The following APC2 variants were observed in gnomAD, a reference collection of about 807,000 sequenced individuals.
APC2 encodes the protein APC regulator of Wnt signaling pathway 2.
In APC2, 41 loss-of-function variants were observed where a neutral mutation model predicts 72.5. That is an observed-to-expected ratio of 0.57 (90% CI 0.44 to 0.73). The LOEUF is 0.73. Ranked by LOEUF, APC2 falls within the 30% of genes least tolerant of loss-of-function variation. The pLI is 0.00. For synonymous variants in APC2, 1,898 were observed against 1,612.0 expected, an observed-to-expected ratio of 1.18 and a Z score of -4.25; for missense variants, 3,729 against 3,403.4, an observed-to-expected ratio of 1.10 and a Z score of -2.38.
chr19:1,466,094 T>C lies in APC2; in HGVS notation c.2793T>C (p.Ser931=). 1 of 1,538,314 alleles carries C rather than the reference T, an allele frequency of 6.5e-7. No individual in the cohort carries two copies. The highest frequency in any genetic ancestry group is 1.2e-5 in the South Asian group (1 of 83,134). Residue 931 remains serine, a synonymous_variant, in exon 15 of 15, where the codon AGT becomes AGC. Transcript: ENST00000590469. ...CCAACGACAGCCTCAACAGCGGCAGTGCCAGCGACGGGTACTGCCCACGCG... is the reference window on the plus strand; with the variant it reads ...CCAACGACAGCCTCAACAGCGGCAGCGCCAGCGACGGGTACTGCCCACGCG... ...SLSNDSLNSG[S]ASDGYCPREH...
upstream of APC2, chr19:1,450,016 C>T: frequency 1.5e-6 from 1 of 670,870 alleles, no homozygotes; most frequent in African/African-American, 2.0e-5. Flanking sequence ...CGACGCCGGT[C>T]CCCGCCCCGG....
chr19:1,465,811 C>G lies in APC2; in HGVS notation c.2510C>G (p.Ala837Gly). 1 of 1,581,596 alleles carries G rather than the reference C, an allele frequency of 6.3e-7. No homozygotes were observed. Among genetic ancestry groups the G allele is most frequent in the South Asian group, 1.1e-5 (1 of 87,364 alleles). ...GCAGAGAAGGACACCAGTGGGGAGG[C>G]AGCCGTGGCGGCCAAGGCCAAGGCC... ...KEAEKDTSGE[A>G]AVAAKAKAKL... Residue 837 changes from alanine to glycine, a missense_variant, in exon 15 of 15, where the codon GCA becomes GGA. Transcript: ENST00000590469.
chr19:1,465,444 G>C lies in APC2; in HGVS notation c.2143G>C (p.Val715Leu). 6.5e-7 allele frequency: 1 copy of C among 1,539,108 alleles called. No homozygotes were observed. The highest frequency in any genetic ancestry group is 1.2e-5 in the South Asian group (1 of 84,826). ...CACCGCCGTGTCCCCAGGCAGCTGC[G>C]TGCCCAGCCTGTACGTGCGCAAGCA... is the stretch of plus-strand genomic sequence containing the variant. The part of the protein sequence containing the change: ...AATAVSPGSC[V>L]PSLYVRKQRA... Residue 715 changes from valine to leucine, a missense_variant, in exon 15 of 15, where the codon GTG becomes CTG. Coordinates refer to ENST00000590469, the MANE Select transcript of APC2 (RefSeq NM_005883.3).
In APC2 at chr19:1,469,739, G is replaced by A; in HGVS notation, c.6438G>A (p.Trp2146Ter). 6.7e-7 allele frequency: 1 copy of A among 1,482,118 alleles called. No homozygotes were observed. Among genetic ancestry groups the A allele is most frequent in the Non-Finnish European group, 8.9e-7 (1 of 1,124,142 alleles). The allele number at this position is 1,482,118 out of a possible 1,614,324, so 91.8% of individuals were successfully genotyped here. A position where few individuals can be genotyped will look rare whatever the true frequency, so the allele number is the denominator to read the frequency against. The change falls in exon 15 of 15, where the codon TGG becomes TGA. Residue 2146 changes from tryptophan to a stop codon, truncating the protein, a stop_gained. Coordinates refer to ENST00000590469, the MANE Select transcript of APC2 (RefSeq NM_005883.3). LOFTEE classifies it low-confidence loss of function (END_TRUNC). ...GGGTGGCCGCGCCGGGCACGACCTGGCGGCGCATCCGAGATGAGGACGTGC... is the reference window on the plus strand; with the variant it reads ...GGGTGGCCGCGCCGGGCACGACCTGACGGCGCATCCGAGATGAGGACGTGC... ...LPRVAAPGTTWRRIRDEDVPH... is the reference protein window; with the variant it reads ...LPRVAAPGTT
At chr19:1,454,272 G>A (rs1162620281) in intron 4 of APC2, among the ~76,000 whole-genome samples, 1 of 152,194 alleles carries the variant, frequency 6.6e-6, no homozygotes, top group African/African-American at 2.4e-5. Flanking sequence ...TAAGCTGGAG[G>A]GAGGTTAGCA....
At chr19:1,460,353 C>T (rs775481387) in intron 11 of APC2, 33 bp downstream of exon 11, 16 of 1,612,440 alleles carry the variant, frequency 9.9e-6, no homozygotes, top group Non-Finnish European at 1.3e-5. Flanking sequence ...CTGGCACTTT[C>T]CTCATCCAGT....
At chr19:1,455,995 T>A in intron 6 of APC2, 81 bp from the exon 7 acceptor site, 4 of 1,180,062 alleles carry the variant, frequency 3.4e-6, no homozygotes, top group Non-Finnish European at 3.3e-6. Flanking sequence ...GAGCCCAGGG[T>A]GGGGTCATCC....
chr19:1,462,205 C>G, intron 14 of APC2, 28 bp downstream of exon 14: 4 of 1,516,158 alleles, frequency 2.6e-6, no homozygotes, highest in South Asian at 1.3e-5. Flanking sequence ...CACCCGCACA[C>G]AGGCAGCTGC....
At chr19:1,457,898 G>C (rs112680150) in intron 9 of APC2, 67 bp from the exon 10 acceptor site, 1 of 1,432,320 alleles carries the variant, frequency 7.0e-7, no homozygotes, top group South Asian at 1.2e-5. Flanking sequence ...CGGGTTGCGG[G>C]ACCTTCGGGA....
At position 1,462,017 on chromosome 19, in the gene APC2, A is replaced by G; in HGVS notation, c.1693A>G (p.Thr565Ala). 1.2e-6 allele frequency: 2 copies of G among 1,612,872 alleles called. No homozygotes were observed. The highest frequency in any genetic ancestry group is 2.2e-5 in the South Asian group (2 of 91,074). ...SALWNLSAHS[T>A]ENKAAICQVD... Reference sequence around the variant, plus strand: ...CCTGTGGAATCTGTCTGCACACAGCACAGAGAACAAGGCGGCCATCTGCCA... The same window carrying G: ...CCTGTGGAATCTGTCTGCACACAGCGCAGAGAACAAGGCGGCCATCTGCCA... The change falls in exon 14 of 15, where the codon ACA becomes GCA. Residue 565 changes from threonine (T) to alanine (A), a missense_variant. Coordinates refer to ENST00000590469, the MANE Select transcript of APC2 (RefSeq NM_005883.3).
Position 1,462,055 on chromosome 19 carries a change from C to T in APC2, c.1731C>T (p.Ala577=), listed in dbSNP as rs772184283. The T allele has an allele frequency of 1.9e-6, 3 of 1,613,002 alleles. No individual in the cohort carries two copies. The African/African-American group carries it at 4.0e-5, about 22-fold the overall frequency. The change falls in exon 14 of 15, where the codon GCC becomes GCT. Residue 577 remains alanine, a synonymous_variant. Coordinates refer to ENST00000590469, the MANE Select transcript of APC2 (RefSeq NM_005883.3). ...NKAAICQVDG[A]LGFLVSTLTY... ...CGGCCATCTGCCAGGTGGATGGCGC[C>T]CTGGGCTTCCTGGTGAGCACCCTGA...
Position 1,455,444 on chromosome 19 carries a change from C to A in APC2, c.583C>A (p.Arg195Ser), listed in dbSNP as rs1158412843. ...GCTTGAGTTCGAGGCCCAGCACATCCGCTCGCTGATGGAGGAGCGCTTCGG... is the reference window on the plus strand; with the variant it reads ...GCTTGAGTTCGAGGCCCAGCACATCAGCTCGCTGATGGAGGAGCGCTTCGG... The part of the protein sequence containing the change: ...QQLEFEAQHI[R>S]SLMEERFGTS... The change falls in exon 6 of 15, where the codon CGC becomes AGC. Residue 195 changes from arginine to serine, a missense_variant. Coordinates refer to ENST00000590469, the MANE Select transcript of APC2 (RefSeq NM_005883.3). 2.5e-6 allele frequency: 4 copies of A among 1,607,098 alleles called. No individual in the cohort carries two copies. The highest frequency in any genetic ancestry group is 3.4e-6 in the Non-Finnish European group (4 of 1,177,366).
In APC2 at chr19:1,468,445, A is replaced by T; in HGVS notation, c.5144A>T (p.Asp1715Val). 6.3e-7 allele frequency: 1 copy of T among 1,594,856 alleles called. No homozygotes were observed. The highest frequency in any genetic ancestry group is 8.5e-7 in the Non-Finnish European group (1 of 1,172,304). The change falls in exon 15 of 15, where the codon GAC (aspartate) becomes GTC (valine). Residue 1715 changes from aspartate to valine, a missense_variant. Coordinates refer to ENST00000590469, the MANE Select transcript of APC2 (RefSeq NM_005883.3). ...AATREASSES[D>V]SILSFVSGLS... The stretch of plus-strand genomic sequence containing the variant: ...ACGCGGGAGGCCTCGTCCGAGTCCG[A>T]CTCCATCCTGTCCTTCGTATCCGGG...
rs201535563 is a variant in APC2, at chr19:1,468,598, G to A, written c.5297G>A (p.Arg1766His). 33 of 1,600,856 alleles carry A rather than the reference G, an allele frequency of 2.1e-5. No homozygotes were observed. Among genetic ancestry groups the A allele is most frequent in the Admixed American group, 3.4e-5 (2 of 59,300 alleles). The change falls in exon 15 of 15, where the codon CGT (arginine) becomes CAT (histidine). Residue 1766 changes from arginine to histidine, a missense_variant. Transcript: ENST00000590469. ...AASVKTSGSP[R>H]SPAGPEKPRG... is the part of the protein sequence containing the mutation. ...TCAGTCAAGACCAGCGGGAGCCCCC[G>A]TTCCCCTGCAGGCCCCGAGAAGCCA... is the stretch of plus-strand genomic sequence containing the variant.
chr19:1,468,089 C>T lies in APC2; in HGVS notation c.4788C>T (p.Ala1596=), dbSNP rs768103817. 3 of 1,542,076 alleles carry T rather than the reference C, an allele frequency of 1.9e-6. No homozygotes were observed. Among genetic ancestry groups the T allele is most frequent in the Non-Finnish European group, 1.7e-6 (2 of 1,153,316 alleles). The change falls in exon 15 of 15, where the codon GCC becomes GCT. Residue 1596 remains alanine (A), a synonymous_variant. Transcript: ENST00000590469. ...AGCCCGAGCCCTCGGAGCCGCCGGC[C>T]GTCCATCCACGAGGCCGGGAGCCCG... is the stretch of plus-strand genomic sequence containing the variant. The part of the protein sequence containing the change: ...LSEPEPSEPP[A]VHPRGREPAV...
intron 11 of APC2, 84 bp downstream of exon 11, chr19:1,460,404 G>T (rs758990068): frequency 5.1e-6 from 8 of 1,583,514 alleles, no homozygotes; most frequent in Non-Finnish European, 6.9e-6. Flanking sequence ...TCCCAGCCTC[G>T]AAACAGCCCT....
intron 14 of APC2, 46 bp downstream of exon 14, chr19:1,462,223 G>A (rs754827758): frequency 6.7e-7 from 1 of 1,491,214 alleles, no homozygotes; most frequent in Non-Finnish European, 9.0e-7. Flanking sequence ...TGCGCTCGGG[G>A]CGGGCACAGG....
Position 1,455,277 on chromosome 19 carries a change from A to AG in APC2, c.522+25dup. The AG allele has an allele frequency of 1.3e-6, 2 of 1,558,256 alleles. No individual in the cohort carries two copies. Among genetic ancestry groups the AG allele is most frequent in the Non-Finnish European group, 1.7e-6 (2 of 1,155,548 alleles). ...GAGACGGTGAGCCGGCCGGGGAGCC[A>AG]GGGGGCAGCGCGCCCGCCCCACTCA... On this transcript the variant is annotated intron_variant, in intron 5 of 14. Coordinates refer to ENST00000590469, the MANE Select transcript of APC2 (RefSeq NM_005883.3).
In APC2 at chr19:1,467,706, CT is replaced by C; in HGVS notation, c.4406del (p.Leu1469ArgfsTer111). 1 of 1,446,428 alleles carries C rather than the reference CT, an allele frequency of 6.9e-7. No homozygotes were observed. The highest frequency in any genetic ancestry group is 1.4e-5 in the South Asian group (1 of 71,120). 89.6% of individuals were successfully genotyped at this position (1,446,428 alleles called of 1,614,324 possible). ...GKNRAGLELP[L>X]GRPPSAPADK... ...GAACAGAGCAGGGCTGGAGCTGCCC[CT>C]GGGCCGGCCCCCGAGCGCCCCCGCA... On this transcript the variant is annotated frameshift_variant, in exon 15 of 15. Transcript: ENST00000590469. LOFTEE classifies it low-confidence loss of function (END_TRUNC).
Sources: allele counts gnomAD v4.1 joint callset (sites outside exome capture counted in the v4.1 genomes callset), GRCh38; gene constraint gnomAD v4.1.1; transcripts MANE v1.5; gene names NCBI Gene and HGNC (gene_info 2026-07-23, HGNC 2026-07-21).